Variants in RAB5C observed in about 807,000 individuals in gnomAD.
The protein encoded by RAB5C is RAB5C, member RAS oncogene family.
A neutral mutation model predicts 25.2 loss-of-function variants in RAB5C; 4 were observed. The observed-to-expected ratio is 0.16, with a 90% CI of 0.08 to 0.36. RAB5C has a LOEUF of 0.36. Among genes scored for constraint, RAB5C ranks in the 10% least tolerant of loss-of-function variants. RAB5C has a pLI of 1.00. For synonymous variants in RAB5C, 100 were observed against 106.4 expected (o/e 0.94, Z 0.37); for missense variants, 199 against 283.8 (o/e 0.70, Z 2.15).
intron 1 of RAB5C, among the ~76,000 whole-genome samples, chr17:42,139,909 G>A (rs1455123445): frequency 6.6e-6 from 1 of 152,174 alleles, no homozygotes; most frequent in African/African-American, 2.4e-5. Flanking sequence ...TAGGAAGAGT[G>A]CCATCCAAGG....
chr17:42,145,553 G>C (rs2079630603), intron 1 of RAB5C, among the ~76,000 whole-genome samples: 1 of 152,214 alleles, frequency 6.6e-6, no homozygotes, highest in Non-Finnish European at 1.5e-5. Context: ...CACCACTTTG[G>C]GAAGCTGAGG....
At chr17:42,154,773 G>C (rs2079696167) in intron 1 of RAB5C, 120 bp downstream of exon 1, 1 of 152,474 alleles carries the variant, frequency 6.6e-6, no homozygotes, top group South Asian at 2.1e-4. Context: ...CCTCAAGAGG[G>C]GGCTACGGGT....
At chr17:42,150,555 AAAAAAAAAAAAAAAAAAAT>A (rs1217505963) in intron 1 of RAB5C, among the ~76,000 whole-genome samples, 1 of 147,598 alleles carries the variant, frequency 6.8e-6, no homozygotes, top group African/African-American at 2.5e-5. Flanking sequence ...AAAAAAAAAA[AAAAAAAAAAAAAAAAAAAT>A]CAGCCAGACA....
intron 1 of RAB5C, among the ~76,000 whole-genome samples, chr17:42,144,421 C>T (rs1462118248): frequency 2.0e-5 from 3 of 152,104 alleles, no homozygotes; most frequent in African/African-American, 7.2e-5. Context: ...CGCACCACTG[C>T]ACTCCAGCCT....
chr17:42,148,298 G>C (rs1445369603), intron 1 of RAB5C, among the ~76,000 whole-genome samples: 1 of 151,432 alleles, frequency 6.6e-6, no homozygotes, highest in Non-Finnish European at 1.5e-5. Flanking sequence ...CCAGGTACTA[G>C]GGAGGCTGAA....
intron 1 of RAB5C, among the ~76,000 whole-genome samples, chr17:42,133,589 G>A (rs2054507534): frequency 6.6e-6 from 1 of 152,208 alleles, no homozygotes; most frequent in Admixed American, 6.5e-5. Flanking sequence ...TGCAGGTGAA[G>A]CACACCCACT....
At chr17:42,131,687 T>G in intron 1 of RAB5C, 1 of 1,357,518 alleles carries the variant, frequency 7.4e-7, no homozygotes, top group Non-Finnish European at 1.0e-6. Flanking sequence ...AGAGACCAAG[T>G]CCTGCATCCC....
chr17:42,126,189 T>C (rs780185372), intron 5 of RAB5C, among the ~76,000 whole-genome samples: 3 of 152,060 alleles, frequency 2.0e-5, no homozygotes, highest in Non-Finnish European at 4.4e-5. Flanking sequence ...GGGGTAGTGA[T>C]GGCAGGCTCT....
At position 42,130,343 on chromosome 17, in the gene RAB5C, T is replaced by C. The variant is rs570311652; in HGVS notation, c.160A>G (p.Ile54Val). ...CTCCCTCATGCCCACTCACCTCCAA[T>C]TGTGCTCTCCTGGTACTCGTGAAAC... ...GQFHEYQEST[I>V]GAAFLTQTVC... Residue 54 changes from isoleucine (I) to valine (V), a missense_variant, in exon 2 of 6, where the codon ATT becomes GTT. Ile to Val is a conservative substitution (Grantham distance 29, BLOSUM62 3). This residue lies in a region of RAB5C where 24 missense variants were observed against 64.0 expected (regional missense o/e 0.38). Coordinates refer to ENST00000346213, the MANE Select transcript of RAB5C (RefSeq NM_004583.4). 5.6e-6 allele frequency: 9 copies of C among 1,603,464 alleles called. No individual in the cohort carries two copies. The highest frequency in any genetic ancestry group is 1.3e-5 in the African/African-American group (1 of 74,882).
intron 1 of RAB5C, among the ~76,000 whole-genome samples, chr17:42,139,635 A>G (rs1461460556): frequency 1.3e-5 from 2 of 151,974 alleles, no homozygotes; most frequent in African/African-American, 4.8e-5. Flanking sequence ...AATTTTTTGT[A>G]TTTTTTAGTA....
intron 1 of RAB5C, among the ~76,000 whole-genome samples, chr17:42,146,724 G>A (rs2079637423): frequency 6.6e-6 from 1 of 151,618 alleles, no homozygotes; most frequent in African/African-American, 2.4e-5. Flanking sequence ...ACTCCAGCCT[G>A]GGAAACAGAG....
chr17:42,141,133 T>C (rs1239097115), intron 1 of RAB5C, among the ~76,000 whole-genome samples: 1 of 152,222 alleles, frequency 6.6e-6, no homozygotes, highest in Non-Finnish European at 1.5e-5. Context: ...CTGCCATCTT[T>C]CTTAATTTTT....
chr17:42,149,804 A>C (rs1425795999), intron 1 of RAB5C, among the ~76,000 whole-genome samples: 1 of 152,024 alleles, frequency 6.6e-6, no homozygotes, highest in Non-Finnish European at 1.5e-5. Context: ...ACCATCAAGC[A>C]ATGTACAAGG....
intron 1 of RAB5C, among the ~76,000 whole-genome samples, chr17:42,148,403 CAAAAAAAAA>C (rs71228786): frequency 1.7e-5 from 1 of 57,396 alleles, no homozygotes; most frequent in Non-Finnish European, 3.4e-5. Flanking sequence ...GACTCCATCT[CAAAAAAAAA>C]AAAAAAAAAA....
intron 1 of RAB5C, among the ~76,000 whole-genome samples, chr17:42,141,576 G>A (rs1049941470): frequency 3.9e-5 from 6 of 152,180 alleles, no homozygotes; most frequent in African/African-American, 1.4e-4. Context: ...CAGAGCAGCT[G>A]AGGAGCTGCC....
In RAB5C at chr17:42,130,609, A is replaced by T. The variant is rs2054475624; in HGVS notation, c.-88-19T>A. ...CCTCCAACTGTAAGGGAGAAATGAG[A>T]AGTACTGAGTTAGTTCAGAGGCCGT... On this transcript the variant is annotated intron_variant, in intron 1 of 5. Transcript: ENST00000346213. 6.5e-7 allele frequency: 1 copy of T among 1,543,444 alleles called. No homozygotes were observed. Among genetic ancestry groups the T allele is most frequent in the South Asian group, 1.2e-5 (1 of 85,510 alleles).
chr17:42,140,299 G>A (rs575707651), intron 1 of RAB5C, among the ~76,000 whole-genome samples: 2 of 151,920 alleles, frequency 1.3e-5, no homozygotes, highest in East Asian at 3.9e-4. Context: ...AGAGAGCAGA[G>A]GTCAAGTTTG....
chr17:42,147,084 GAA>G (rs1239518564), intron 1 of RAB5C, among the ~76,000 whole-genome samples: 1 of 147,632 alleles, frequency 6.8e-6, no homozygotes, highest in Non-Finnish European at 1.5e-5. Flanking sequence ...AAGAAAGAAA[GAA>G]AGAAAGAAAG....
At chr17:42,128,926 G>T in intron 2 of RAB5C, 126 bp from the exon 3 acceptor site, 2 of 921,142 alleles carry the variant, frequency 2.2e-6, no homozygotes, top group Non-Finnish European at 2.9e-6. Flanking sequence ...GAACCCTCAA[G>T]CCAGGAGCCA....
Sources: allele counts gnomAD v4.1 joint callset (sites outside exome capture counted in the v4.1 genomes callset), GRCh38; gene constraint gnomAD v4.1.1; regional missense constraint gnomAD v4.1.1; transcripts MANE v1.5; gene names NCBI Gene and HGNC (gene_info 2026-07-23, HGNC 2026-07-21).